TRPC7: variants seen among roughly 807,000 people sequenced by gnomAD.
TRPC7 encodes short transient receptor potential channel 7.
TRPC7 carries 42 observed loss-of-function variants against 90.1 expected under a neutral mutation model. The ratio of observed to expected loss-of-function variants is 0.47; its 90% CI spans 0.36 to 0.60. TRPC7 has a LOEUF of 0.60. TRPC7 is among the 20% of genes least tolerant of loss of function. The probability of loss-of-function intolerance (pLI) is 0.00; values close to 1 mark genes in which losing one functional copy is unlikely to be tolerated. For missense variants in TRPC7, 955 were observed against 1,112.3 expected (o/e 0.86, Z 2.01); for synonymous variants, 451 against 436.3 (o/e 1.03, Z -0.42).
chr5:136,355,664 G>C (rs537513065), intron 2 of TRPC7, among the ~76,000 whole-genome samples: 30 of 152,298 alleles, frequency 2.0e-4, no homozygotes, highest in African/African-American at 6.7e-4. Context: ...TGGACATGGT[G>C]GTGGGCACCT....
At chr5:136,243,771 C>T (rs562751261) in intron 7 of TRPC7, among the ~76,000 whole-genome samples, 5 of 152,042 alleles carry the variant, frequency 3.3e-5, no homozygotes, top group Non-Finnish European at 7.4e-5. Flanking sequence ...ATTCTTTTCT[C>T]TCTCCACTTC....
At chr5:136,258,028 A>G (rs890259969) in intron 5 of TRPC7, among the ~76,000 whole-genome samples, 4 of 152,194 alleles carry the variant, frequency 2.6e-5, no homozygotes, top group Middle Eastern at 3.2e-3. Flanking sequence ...CTTAGATTCT[A>G]TATTTTGAAA....
chr5:136,240,149 C>T (rs370408554), intron 7 of TRPC7, among the ~76,000 whole-genome samples: 21 of 152,342 alleles, frequency 1.4e-4, no homozygotes, highest in South Asian at 6.2e-4. Flanking sequence ...TGCCTTCCTA[C>T]GTGAAGCTCT....
At chr5:136,269,821 C>T (rs1373328866) in intron 4 of TRPC7, among the ~76,000 whole-genome samples, 1 of 152,098 alleles carries the variant, frequency 6.6e-6, no homozygotes, top group Non-Finnish European at 1.5e-5. Flanking sequence ...AGGATTTTTC[C>T]CTTTTATGAT....
At chr5:136,248,934 CCTGCAATG>C (rs1473919778) in intron 6 of TRPC7, among the ~76,000 whole-genome samples, 4 of 152,200 alleles carry the variant, frequency 2.6e-5, no homozygotes, top group African/African-American at 9.7e-5. Flanking sequence ...ATGCTAATGT[CCTGCAATG>C]CTCCAGACAG....
chr5:136,320,618 T>C (rs1284524520), intron 2 of TRPC7, among the ~76,000 whole-genome samples: 1 of 152,168 alleles, frequency 6.6e-6, no homozygotes, highest in African/African-American at 2.4e-5. Context: ...GATGACCCAC[T>C]ACCTACACTA....
At chr5:136,341,931 G>A (rs571695277) in intron 2 of TRPC7, among the ~76,000 whole-genome samples, 1 of 152,268 alleles carries the variant, frequency 6.6e-6, no homozygotes, top group South Asian at 2.1e-4. Flanking sequence ...GTCGTTTTAA[G>A]AACAAGTCTC....
intron 2 of TRPC7, among the ~76,000 whole-genome samples, chr5:136,336,061 T>A (rs1050323033): frequency 1.3e-5 from 2 of 152,014 alleles, no homozygotes; most frequent in South Asian, 2.1e-4. Context: ...CGGTCACACC[T>A]CTGCACATCC....
intron 3 of TRPC7, among the ~76,000 whole-genome samples, chr5:136,311,966 C>T (rs777481890): frequency 6.6e-5 from 10 of 152,166 alleles, no homozygotes; most frequent in Non-Finnish European, 1.5e-4. Context: ...AATGCTTTAT[C>T]CCATTTAATT....
intron 3 of TRPC7, among the ~76,000 whole-genome samples, chr5:136,291,954 A>G (rs1482298831): frequency 1.3e-5 from 2 of 152,172 alleles, no homozygotes; most frequent in Non-Finnish European, 2.9e-5. Context: ...CTCAGACCAC[A>G]GTGCAATCAA....
rs116274142 is a variant in TRPC7 at position 136,217,662 on chromosome 5, C to T, written c.2344-1387G>A. Among the ~76,000 whole-genome samples, 602 of 152,272 alleles carry T rather than the reference C, an allele frequency of 4.0e-3. 9 individuals are homozygous for T. The highest frequency in any genetic ancestry group is 0.014 in the African/African-American group (581 of 41,556). ...TATCCTACTAGCGGTTAAACTGCAG[C>T]GCTGAATTTCTCATGGACATAGTCT... is the stretch of plus-strand genomic sequence containing the variant. On this transcript the variant is annotated intron_variant, in intron 10 of 11. Coordinates refer to ENST00000513104, the MANE Select transcript of TRPC7 (RefSeq NM_020389.3).
chr5:136,291,596 C>T (rs879307612), intron 3 of TRPC7, among the ~76,000 whole-genome samples: 81 of 152,232 alleles, frequency 5.3e-4, no homozygotes, highest in Middle Eastern at 3.4e-3. Context: ...AACTAACTAC[C>T]CTAAATATAT....
intron 3 of TRPC7, among the ~76,000 whole-genome samples, chr5:136,286,926 T>C (rs1757737483): frequency 6.6e-6 from 1 of 152,222 alleles, no homozygotes; most frequent in South Asian, 2.1e-4. Flanking sequence ...CACTTACCTA[T>C]GGCCTCATGA....
chr5:136,251,546 A>G (rs527296288), intron 6 of TRPC7, 103 bp downstream of exon 6: 3 of 935,122 alleles, frequency 3.2e-6, no homozygotes, highest in African/African-American at 3.3e-5. Flanking sequence ...ATCATGGGCC[A>G]CTTGATTACA....
At chr5:136,295,211 C>A (rs926690126) in intron 3 of TRPC7, among the ~76,000 whole-genome samples, 2 of 152,082 alleles carry the variant, frequency 1.3e-5, no homozygotes, top group South Asian at 4.2e-4. Flanking sequence ...ATGGGTGCAG[C>A]ACACCAACTT....
intron 11 of TRPC7, 30 bp from the exon 12 acceptor site, chr5:136,213,634 C>A (rs377403649): frequency 5.6e-6 from 9 of 1,612,000 alleles, no homozygotes; most frequent in South Asian, 1.1e-5. Flanking sequence ...TTTGCTGAGT[C>A]TGAGTAGGTG....
chr5:136,356,457 T>A, intron 2 of TRPC7, 151 bp downstream of exon 2: 1 of 733,918 alleles, frequency 1.4e-6, no homozygotes, highest in Non-Finnish European at 2.1e-6. Flanking sequence ...CTCTGATAAG[T>A]GAGATGTGTT....
chr5:136,237,044 T>C (rs1360642731), intron 7 of TRPC7, among the ~76,000 whole-genome samples: 1 of 152,200 alleles, frequency 6.6e-6, no homozygotes, highest in Non-Finnish European at 1.5e-5. Flanking sequence ...GGAAGATGTT[T>C]AGAATGGATA....
chr5:136,307,855 T>C lies in TRPC7; in HGVS notation c.963+7742A>G, dbSNP rs565727940. On this transcript the variant is annotated intron_variant, in intron 3 of 11. Transcript: ENST00000513104. Reference sequence around the variant, plus strand: ...AAATCAGTATGGCAAACAGTTTCCATTGGCTACTTTGTTATGCACCTACCA... The same window carrying C: ...AAATCAGTATGGCAAACAGTTTCCACTGGCTACTTTGTTATGCACCTACCA... Among the ~76,000 whole-genome samples, 71 of 152,346 alleles carry C rather than the reference T, an allele frequency of 4.7e-4. No homozygotes were observed. The South Asian group carries it at 0.014, about 31-fold the overall frequency.
Sources: gnomAD v4.1 joint callset for allele counts (sites outside exome capture counted in the v4.1 genomes callset) on GRCh38, gnomAD v4.1.1 for gene constraint, MANE v1.5 for transcripts, NCBI Gene and HGNC (gene_info 2026-07-23, HGNC 2026-07-21) for gene names.